Variants in LTBP1 observed in about 807,000 individuals in gnomAD.
LTBP1 encodes the protein latent transforming growth factor beta binding protein 1.
Under a neutral mutation model 207.6 loss-of-function variants are expected in LTBP1, and 129 were observed. The ratio of observed to expected loss-of-function variants is 0.62; its 90% CI spans 0.54 to 0.72. The LOEUF (loss-of-function observed/expected upper bound fraction) is 0.72, where lower values mean the gene tolerates loss of function less well. Among genes scored for constraint, LTBP1 ranks in the 30% least tolerant of loss-of-function variants. LTBP1 has a pLI of 0.00. For missense variants in LTBP1, 2,281 were observed against 2,217.2 expected (o/e 1.03, Z -0.58); for synonymous variants, 963 against 833.7 (o/e 1.16, Z -2.67).
intron 7 of LTBP1, among the ~76,000 whole-genome samples, chr2:33,197,717 A>G (rs1051016522): frequency 6.6e-6 from 1 of 152,218 alleles, no homozygotes; most frequent in African/African-American, 2.4e-5. Context: ...TAGTTATGCC[A>G]GATGGTATGA....
chr2:33,215,717 T>G (rs1162888241), intron 7 of LTBP1, among the ~76,000 whole-genome samples: 1 of 117,264 alleles, frequency 8.5e-6, no homozygotes, highest in African/African-American at 4.6e-5. Context: ...TTTTCTTTTG[T>G]TTTTTGTTTT....
At chr2:32,968,619 A>C (rs1393296668) in intron 2 of LTBP1, among the ~76,000 whole-genome samples, 2 of 152,020 alleles carry the variant, frequency 1.3e-5, no homozygotes, top group Non-Finnish European at 2.9e-5. Context: ...TTGATGTTTA[A>C]AGTGATTATT....
At chr2:33,133,726 A>G (rs1287812062) in intron 4 of LTBP1, among the ~76,000 whole-genome samples, 1 of 152,208 alleles carries the variant, frequency 6.6e-6, no homozygotes. Context: ...GCAGGCAGCA[A>G]GCTGGATTGG....
chr2:33,376,391 A>G (rs2095140128), intron 31 of LTBP1, among the ~76,000 whole-genome samples: 1 of 152,246 alleles, frequency 6.6e-6, no homozygotes, highest in South Asian at 2.1e-4. Flanking sequence ...TCTAAGCTTA[A>G]TTAACTTCAT....
At chr2:33,147,704 T>C (rs140884238) in intron 5 of LTBP1, among the ~76,000 whole-genome samples, 38 of 152,310 alleles carry the variant, frequency 2.5e-4, no homozygotes, top group African/African-American at 8.4e-4. Flanking sequence ...CAGGATGGCT[T>C]AAGCCTGTGG....
At position 33,212,772 on chromosome 2, in the gene LTBP1, A is replaced by G. The variant is rs186528678; in HGVS notation, c.1702-4780A>G. ...AATCTGAAATCCAAAATGCTCCAGA[A>G]TCCAAAATGTTTTGAGTACCAACAT... is the stretch of plus-strand genomic sequence containing the variant. On this transcript the variant is annotated intron_variant, in intron 7 of 33. Transcript: ENST00000404816. Among the ~76,000 whole-genome samples, 8 of 152,370 alleles carry G rather than the reference A, an allele frequency of 5.3e-5. No individual in the cohort carries two copies. The East Asian group carries it at 1.5e-3, about 29-fold the overall frequency.
intron 22 of LTBP1, among the ~76,000 whole-genome samples, chr2:33,302,381 G>C (rs932769364): frequency 6.6e-6 from 1 of 152,182 alleles, no homozygotes; most frequent in Non-Finnish European, 1.5e-5. Context: ...CCCATGCAGG[G>C]TCCAAGTTTT....
intron 31 of LTBP1, among the ~76,000 whole-genome samples, chr2:33,372,688 A>G (rs2095084076): frequency 6.6e-6 from 1 of 152,006 alleles, no homozygotes; most frequent in African/African-American, 2.4e-5. Context: ...GGCCTGGCCA[A>G]CGTGGTGAAA....
intron 18 of LTBP1, among the ~76,000 whole-genome samples, chr2:33,276,341 T>C (rs1352235757): frequency 6.6e-6 from 1 of 152,238 alleles, no homozygotes; most frequent in African/African-American, 2.4e-5. Flanking sequence ...ACATGTGTTC[T>C]GGTACTTTCT....
intron 5 of LTBP1, among the ~76,000 whole-genome samples, chr2:33,137,317 G>A (rs922588358): frequency 2.6e-5 from 4 of 152,074 alleles, no homozygotes; most frequent in African/African-American, 9.7e-5. Context: ...TTTAAAATTT[G>A]GGAAAAATTC....
In LTBP1 at chr2:33,134,602, A is replaced by T; in HGVS notation, c.1034-191A>T. The stretch of plus-strand genomic sequence containing the variant: ...AGCTTCCTACTCCTGTTTCAGAGAC[A>T]CCACTGAATACAGAGCAGCGAGCAC... On this transcript the variant is annotated intron_variant, in intron 4 of 33. Transcript: ENST00000404816. The surrounding 1 kb of genome is among the most constrained non-coding windows in gnomAD (Gnocchi z 4.4). The T allele has an allele frequency of 1.3e-6, 2 of 1,535,556 alleles. No individual in the cohort carries two copies. Among genetic ancestry groups the T allele is most frequent in the Non-Finnish European group, 1.8e-6 (2 of 1,139,160 alleles).
intron 19 of LTBP1, among the ~76,000 whole-genome samples, chr2:33,281,767 A>G (rs1009626423): frequency 2.0e-5 from 3 of 152,128 alleles, no homozygotes; most frequent in South Asian, 2.1e-4. Flanking sequence ...TTGATAAGCA[A>G]TTGTTTTTGT....
chr2:33,257,471 C>G lies in LTBP1; in HGVS notation c.2355C>G (p.Thr785=). The change falls in exon 12 of 34, where the codon ACC becomes ACG. Residue 785 remains threonine (T), a synonymous_variant. Transcript: ENST00000404816. ...AGGAAGAGCCAGTGGAGGCCCTGAC[C>G]TTCTCCCGGGAACACGGGCCAGGAG... ...PAKEEPVEAL[T]FSREHGPGVA... 6.2e-7 allele frequency: 1 copy of G among 1,614,050 alleles called. No individual in the cohort carries two copies. The highest frequency in any genetic ancestry group is 8.5e-7 in the Non-Finnish European group (1 of 1,179,856).
At chr2:33,389,571 A>C (rs1464714579) in intron 32 of LTBP1, among the ~76,000 whole-genome samples, 1 of 152,110 alleles carries the variant, frequency 6.6e-6, no homozygotes, top group African/African-American at 2.4e-5. Flanking sequence ...ATGAGACCCT[A>C]TCTCAAAACA....
intron 2 of LTBP1, among the ~76,000 whole-genome samples, chr2:32,974,980 G>A (rs1402678410): frequency 6.6e-6 from 1 of 152,144 alleles, no homozygotes; most frequent in Non-Finnish European, 1.5e-5. Flanking sequence ...TCAATAGTCT[G>A]TGTACTTAAG....
intron 20 of LTBP1, among the ~76,000 whole-genome samples, chr2:33,300,226 T>C (rs1021034113): frequency 6.6e-6 from 1 of 152,208 alleles, no homozygotes. Context: ...TTATTATAAA[T>C]AGCTTATTGA....
At chr2:33,352,982 T>C (rs966649805) in intron 26 of LTBP1, among the ~76,000 whole-genome samples, 1 of 140,478 alleles carries the variant, frequency 7.1e-6, no homozygotes, top group African/African-American at 2.6e-5. Flanking sequence ...TTTTTTTTTT[T>C]TTTTTTTTTT....
chr2:33,228,695 CCCTTTTTTT>C (rs2091596161), intron 9 of LTBP1, among the ~76,000 whole-genome samples: 1 of 60,696 alleles, frequency 1.6e-5, no homozygotes, highest in Non-Finnish European at 3.8e-5. Context: ...CAGGGTTATA[CCCTTTTTTT>C]TTTTTTTTTT....
chr2:33,150,724 T>C (rs2083455626), intron 5 of LTBP1, among the ~76,000 whole-genome samples: 1 of 121,162 alleles, frequency 8.3e-6, no homozygotes, highest in Non-Finnish European at 1.7e-5. Context: ...TTTTTTTTTT[T>C]TTTTTTTTTT....
Sources: gnomAD v4.1 joint callset for allele counts (sites outside exome capture counted in the v4.1 genomes callset) on GRCh38, gnomAD v4.1.1 for gene constraint, Gnocchi (gnomAD v3.1) non-coding constraint, MANE v1.5 for transcripts, NCBI Gene and HGNC (gene_info 2026-07-23, HGNC 2026-07-21) for gene names.